The following CNTNAP2 variants were observed in gnomAD, a reference collection of about 807,000 sequenced individuals.
CNTNAP2 encodes the protein contactin-associated protein-like 2.
CNTNAP2 carries 98 observed loss-of-function variants against 155.2 expected under a neutral mutation model. The observed-to-expected ratio is 0.63, with a 90% CI of 0.54 to 0.75. The LOEUF (loss-of-function observed/expected upper bound fraction) is 0.75, where lower values mean the gene tolerates loss of function less well. CNTNAP2 is among the 30% of genes least tolerant of loss of function. The probability of loss-of-function intolerance (pLI) is 0.00; values close to 1 mark genes in which losing one functional copy is unlikely to be tolerated. For synonymous variants in CNTNAP2, 651 were observed against 631.2 expected, an observed-to-expected ratio of 1.03 and a Z score of -0.47; for missense variants, 1,727 against 1,688.1, an observed-to-expected ratio of 1.02 and a Z score of -0.40.
chr7:147,015,683 GT>G (rs1177120313), intron 3 of CNTNAP2, among the ~76,000 whole-genome samples: 1 of 151,782 alleles, frequency 6.6e-6, no homozygotes, highest in Admixed American at 6.6e-5. Context: ...TCACACATCA[GT>G]TTTTTTTAAA....
chr7:147,460,518 T>C (rs1798004351), intron 10 of CNTNAP2, among the ~76,000 whole-genome samples: 1 of 152,210 alleles, frequency 6.6e-6, no homozygotes, highest in Non-Finnish European at 1.5e-5. Context: ...TGGCCGTAAT[T>C]GGTTTTGTTT....
chr7:146,619,021 C>G (rs1166119358), intron 1 of CNTNAP2, among the ~76,000 whole-genome samples: 2 of 150,958 alleles, frequency 1.3e-5, no homozygotes, highest in African/African-American at 2.4e-5. Context: ...TTGCAGTGAG[C>G]CAAGATTGTG....
chr7:148,014,866 G>C (rs1007019600), intron 15 of CNTNAP2, among the ~76,000 whole-genome samples: 37 of 152,368 alleles, frequency 2.4e-4, no homozygotes, highest in Admixed American at 2.0e-3. Flanking sequence ...GCAGACCACA[G>C]TCTAGTGCCT....
At chr7:147,657,946 C>G (rs1795549465) in intron 13 of CNTNAP2, among the ~76,000 whole-genome samples, 1 of 152,120 alleles carries the variant, frequency 6.6e-6, no homozygotes, top group South Asian at 2.1e-4. Context: ...GGTGAAGTTT[C>G]CAACGCTGTC....
At chr7:146,758,889 A>G (rs2129183613) in intron 1 of CNTNAP2, among the ~76,000 whole-genome samples, 1 of 152,234 alleles carries the variant, frequency 6.6e-6, no homozygotes, top group South Asian at 2.1e-4. Flanking sequence ...TCCCTTTTTA[A>G]GACCAGAGTT....
chr7:147,192,921 C>T (rs73156427), intron 8 of CNTNAP2, among the ~76,000 whole-genome samples: 2,439 of 152,192 alleles, frequency 0.016, 25 homozygotes, highest in South Asian at 0.041. Flanking sequence ...TGGTTTTACC[C>T]CAGACTAGTC....
chr7:146,754,347 C>T (rs1030972275), intron 1 of CNTNAP2, among the ~76,000 whole-genome samples: 1 of 151,414 alleles, frequency 6.6e-6, no homozygotes, highest in Admixed American at 6.6e-5. Context: ...TAAGGTAGAA[C>T]ATTTTCCCCT....
At chr7:147,392,751 G>A (rs1325036293) in intron 9 of CNTNAP2, among the ~76,000 whole-genome samples, 1 of 151,924 alleles carries the variant, frequency 6.6e-6, no homozygotes, top group African/African-American at 2.4e-5. Context: ...ACATATTCAT[G>A]GCAGCACAAT....
intron 18 of CNTNAP2, among the ~76,000 whole-genome samples, chr7:148,210,382 AAC>A (rs1246904530): frequency 6.6e-6 from 1 of 152,248 alleles, no homozygotes; most frequent in Non-Finnish European, 1.5e-5. Context: ...AATACGTATT[AAC>A]ACAGTTTCAG....
chr7:147,911,922 A>G (rs777830971), intron 14 of CNTNAP2, among the ~76,000 whole-genome samples: 19 of 152,086 alleles, frequency 1.2e-4, no homozygotes, highest in Non-Finnish European at 2.6e-4. Context: ...CGGTGGTACA[A>G]TTTCTTTTTA....
intron 3 of CNTNAP2, among the ~76,000 whole-genome samples, chr7:146,954,058 T>C (rs1797382852): frequency 6.6e-6 from 1 of 151,946 alleles, no homozygotes; most frequent in South Asian, 2.1e-4. Context: ...AAGCAACTCT[T>C]ATTTCATTTG....
chr7:146,554,842 G>A (rs777515684), intron 1 of CNTNAP2, among the ~76,000 whole-genome samples: 64 of 152,352 alleles, frequency 4.2e-4, no homozygotes, highest in East Asian at 3.1e-3. Context: ...CAAAATAGGC[G>A]TTAGCCAGGG....
chr7:148,054,985 C>A (rs184535273), intron 15 of CNTNAP2, among the ~76,000 whole-genome samples: 2 of 151,324 alleles, frequency 1.3e-5, no homozygotes, highest in Non-Finnish European at 2.9e-5. Context: ...CTGGTTCAAG[C>A]GATTCTCCTG....
chr7:146,162,041 C>A (rs1010924043), intron 1 of CNTNAP2, among the ~76,000 whole-genome samples: 1 of 152,112 alleles, frequency 6.6e-6, no homozygotes, highest in African/African-American at 2.4e-5. Context: ...AAATGTTAGA[C>A]CTAAAACCAT....
intron 1 of CNTNAP2, among the ~76,000 whole-genome samples, chr7:146,183,106 G>C (rs1278036822): frequency 6.6e-6 from 1 of 151,988 alleles, no homozygotes; most frequent in Non-Finnish European, 1.5e-5. Context: ...TTTGCAAAAG[G>C]CTTCTGTTTT....
At chr7:147,835,337 T>C (rs1798617025) in intron 13 of CNTNAP2, among the ~76,000 whole-genome samples, 2 of 152,158 alleles carry the variant, frequency 1.3e-5, no homozygotes, top group African/African-American at 4.8e-5. Context: ...GGCTATCATA[T>C]ATGTAGAGGT....
chr7:147,944,718 T>C (rs1418801582), intron 14 of CNTNAP2, among the ~76,000 whole-genome samples: 1 of 152,248 alleles, frequency 6.6e-6, no homozygotes, highest in African/African-American at 2.4e-5. Flanking sequence ...TTATTTGTAA[T>C]AGGCCAGAAC....
At chr7:146,436,819 G>A (rs757436388) in intron 1 of CNTNAP2, among the ~76,000 whole-genome samples, 35 of 151,714 alleles carry the variant, frequency 2.3e-4, no homozygotes, top group Middle Eastern at 3.4e-3. Context: ...ATGTTATTCC[G>A]TTATATTAAA....
intron 1 of CNTNAP2, among the ~76,000 whole-genome samples, chr7:146,602,937 A>G (rs985188054): frequency 5.9e-5 from 9 of 151,762 alleles, no homozygotes; most frequent in African/African-American, 2.2e-4. Flanking sequence ...TTATTCCCAG[A>G]TAACAGCATG....
Sources: allele counts gnomAD v4.1 joint callset (sites outside exome capture counted in the v4.1 genomes callset), GRCh38; gene constraint gnomAD v4.1.1; transcripts MANE v1.5; gene names NCBI Gene and HGNC (gene_info 2026-07-23, HGNC 2026-07-21).